The following DISC1 variants were observed in gnomAD, a reference collection of about 807,000 sequenced individuals.
DISC1 encodes the protein disrupted in schizophrenia 1 protein.
DISC1 carries 57 observed loss-of-function variants against 84.5 expected under a neutral mutation model. The ratio of observed to expected loss-of-function variants is 0.67; its 90% CI spans 0.55 to 0.84. DISC1 has a LOEUF of 0.84. Among genes scored for constraint, DISC1 ranks in the 40% least tolerant of loss-of-function variants. The pLI is 0.00. For missense variants in DISC1, 1,000 were observed against 1,057.8 expected, an observed-to-expected ratio of 0.95 and a Z score of 0.76; for synonymous variants, 411 against 415.2, an observed-to-expected ratio of 0.99 and a Z score of 0.12.
intron 10 of DISC1, among the ~76,000 whole-genome samples, chr1:232,000,135 G>A (rs1666494250): frequency 1.3e-5 from 2 of 152,170 alleles, no homozygotes; most frequent in Non-Finnish European, 1.5e-5. Flanking sequence ...GATACCAGCG[G>A]GGAGATGAAT....
intron 1 of DISC1, among the ~76,000 whole-genome samples, chr1:231,693,345 G>T (rs931067586): frequency 1.3e-5 from 2 of 152,244 alleles, no homozygotes; most frequent in Non-Finnish European, 1.5e-5. Flanking sequence ...GTCTTGCAGG[G>T]ACATGGATAG....
At chr1:231,828,496 T>C (rs1376789844) in intron 9 of DISC1, among the ~76,000 whole-genome samples, 2 of 152,156 alleles carry the variant, frequency 1.3e-5, no homozygotes, top group Non-Finnish European at 2.9e-5. Flanking sequence ...CTGTCAGCCT[T>C]TGGAAGTGAA....
At chr1:231,808,149 G>A (rs926014237) in intron 8 of DISC1, among the ~76,000 whole-genome samples, 3 of 152,160 alleles carry the variant, frequency 2.0e-5, no homozygotes, top group African/African-American at 7.2e-5. Context: ...TAAAAATACT[G>A]GTACCCAGGC....
intron 6 of DISC1, among the ~76,000 whole-genome samples, chr1:231,784,827 G>A (rs548118707): frequency 6.6e-6 from 1 of 152,288 alleles, no homozygotes; most frequent in Admixed American, 6.5e-5. Flanking sequence ...AGGCCCTGGT[G>A]CTCCTACCTC....
chr1:231,739,771 T>C (rs952349144), intron 3 of DISC1, among the ~76,000 whole-genome samples: 1 of 152,212 alleles, frequency 6.6e-6, no homozygotes, highest in Non-Finnish European at 1.5e-5. Flanking sequence ...TGAAAAAGTC[T>C]TGTCAATCAT....
chr1:231,980,731 C>T (rs538817679), intron 10 of DISC1, among the ~76,000 whole-genome samples: 1 of 152,266 alleles, frequency 6.6e-6, no homozygotes, highest in South Asian at 2.1e-4. Context: ...TTTCTCTTTG[C>T]TCAAGAGCCC....
In DISC1 at chr1:231,748,063, C is replaced by G. The variant is rs1376591398; in HGVS notation, c.1118-1863C>G. Among the ~76,000 whole-genome samples the G allele has an allele frequency of 3.9e-5, 6 of 152,210 alleles. No homozygotes were observed. The East Asian group carries it at 9.7e-4, about 24-fold the overall frequency. ...TTATTGTCCATGTATAGAAATGCCA[C>G]TGGTTTTTGTATATTAATTTTGTAT... On this transcript the variant is annotated intron_variant, in intron 3 of 12. Transcript: ENST00000439617.
Position 231,897,089 on chromosome 1 carries a change from G to A in DISC1, c.1982-61739G>A, listed in dbSNP as rs2087753569. Among the ~76,000 whole-genome samples the A allele has an allele frequency of 6.6e-6, 1 of 152,178 alleles. No homozygotes were observed. The highest frequency in any genetic ancestry group is 6.5e-5 in the Admixed American group (1 of 15,276). On this transcript the variant is annotated intron_variant, in intron 9 of 12. Coordinates refer to ENST00000439617, the MANE Select transcript of DISC1 (RefSeq NM_018662.3). The surrounding 1 kb of genome is among the most constrained non-coding windows in gnomAD (Gnocchi z 4.5). ...AAGAAGGAGCTGGAAGGGGAAGGTG[G>A]GGATTCAGTTTGCCTGGCAGGGCAT... is the stretch of plus-strand genomic sequence containing the variant.
chr1:231,711,414 C>T (rs528485700), intron 3 of DISC1, among the ~76,000 whole-genome samples: 45 of 135,184 alleles, frequency 3.3e-4, no homozygotes, highest in Admixed American at 1.2e-3. Context: ...AGGTGGAGTG[C>T]GGTGGCGTGA....
chr1:231,760,194 A>T (rs137868188), intron 4 of DISC1, among the ~76,000 whole-genome samples: 5 of 152,334 alleles, frequency 3.3e-5, no homozygotes, highest in Non-Finnish European at 7.3e-5. Flanking sequence ...ATATGGAAGA[A>T]TTATAAAGTT....
intron 1 of DISC1, among the ~76,000 whole-genome samples, chr1:231,649,846 T>G (rs558921586): frequency 6.6e-6 from 1 of 152,216 alleles, no homozygotes; most frequent in Non-Finnish European, 1.5e-5. Flanking sequence ...TTTGCTGGTT[T>G]AAAGTCTGTT....
intron 9 of DISC1, among the ~76,000 whole-genome samples, chr1:231,875,583 G>C (rs2085824968): frequency 6.6e-6 from 1 of 152,126 alleles, no homozygotes; most frequent in East Asian, 1.9e-4. Flanking sequence ...ATGAGAAAAA[G>C]AGTTGAGATG....
chr1:231,741,414 AAAAACAAGAAAC>A (rs1391335747), intron 3 of DISC1, among the ~76,000 whole-genome samples: 1 of 152,240 alleles, frequency 6.6e-6, no homozygotes, highest in Non-Finnish European at 1.5e-5. Context: ...AAAAACATAA[AAAAACAAGAAAC>A]AAAACAAGGG....
At chr1:231,724,598 C>T (rs2070358719) in intron 3 of DISC1, among the ~76,000 whole-genome samples, 2 of 152,174 alleles carry the variant, frequency 1.3e-5, no homozygotes, top group African/African-American at 4.8e-5. Flanking sequence ...CTCTTTTCTT[C>T]TTCCTTCCTT....
rs149374007 is a variant in DISC1 at position 231,627,884 on chromosome 1, A to G, written c.67+950A>G. ...ACTGGACAAATTTGAATTGGACAGC[A>G]CTAGGACCATAGGAACTGGGGTTTG... On this transcript the variant is annotated intron_variant, in intron 1 of 12. Transcript: ENST00000439617. 3.6e-3 allele frequency among the ~76,000 whole-genome samples: 551 copies of G among 152,322 alleles called. 4 individuals carry two copies. The highest frequency in any genetic ancestry group is 0.013 in the African/African-American group (521 of 41,566).
chr1:231,931,816 TA>T (rs146182408), intron 9 of DISC1, among the ~76,000 whole-genome samples: 2 of 151,904 alleles, frequency 1.3e-5, no homozygotes, highest in African/African-American at 2.4e-5. Flanking sequence ...GCCAGATAAT[TA>T]AAAAAAATTT....
In DISC1 at chr1:231,770,946, C is replaced by T. The variant is rs1455131842; in HGVS notation, c.1510C>T (p.Leu504=). The T allele has an allele frequency of 6.2e-7, 1 of 1,614,106 alleles. No individual in the cohort carries two copies. Among genetic ancestry groups the T allele is most frequent in the South Asian group, 1.1e-5 (1 of 91,068 alleles). The stretch of plus-strand genomic sequence containing the variant: ...GCAACTCCAGTGGCAGGGCTGCGAC[C>T]TGACCCCACTGGTGGGCCAGCTGTC... ...EQQLQWQGCD[L]TPLVGQLSLG... Residue 504 remains leucine (L), a synonymous_variant, in exon 6 of 13, where the codon CTG becomes TTG. Transcript: ENST00000439617.
chr1:231,817,130 G>A (rs1423273745), intron 8 of DISC1, among the ~76,000 whole-genome samples: 1 of 152,142 alleles, frequency 6.6e-6, no homozygotes, highest in African/African-American at 2.4e-5. Context: ...TGTTGCTCAA[G>A]CTGGAGTGCA....
rs1399788538 is a variant in DISC1 at position 231,811,158 on chromosome 1, G to T, written c.1793-7171G>T. ...TTTGATGTGCAAAGCCAGCCATGGG[G>T]CTCTGCTCACAGCAAATGCTTTTGG... On this transcript the variant is annotated intron_variant, in intron 8 of 12. Transcript: ENST00000439617. Among the ~76,000 whole-genome samples, 3 of 152,218 alleles carry T rather than the reference G, an allele frequency of 2.0e-5. No homozygotes were observed. The East Asian group carries it at 5.8e-4, about 29-fold the overall frequency.
Sources: allele counts gnomAD v4.1 joint callset (sites outside exome capture counted in the v4.1 genomes callset), GRCh38; gene constraint gnomAD v4.1.1; non-coding constraint Gnocchi (gnomAD v3.1); transcripts MANE v1.5; gene names NCBI Gene and HGNC (gene_info 2026-07-23, HGNC 2026-07-21).